The following SYDE2 variants were observed in gnomAD, a reference collection of about 807,000 sequenced individuals.
SYDE2 encodes the protein synapse defective Rho GTPase homolog 2, also known as rho GTPase-activating protein SYDE2.
SYDE2 carries 76 observed loss-of-function variants against 91.5 expected under a neutral mutation model. The ratio of observed to expected loss-of-function variants is 0.83; its 90% CI spans 0.69 to 1.01. SYDE2 has a LOEUF of 1.01. SYDE2 is among the 50% of genes least tolerant of loss of function. SYDE2 has a pLI of 0.00. For missense variants in SYDE2, 1,364 were observed against 1,367.7 expected, an observed-to-expected ratio of 1.00 and a Z score of 0.04; for synonymous variants, 513 against 506.4, an observed-to-expected ratio of 1.01 and a Z score of -0.18.
chr1:85,190,042 T>C lies in SYDE2; in HGVS notation c.1441+15A>G, dbSNP rs1191448334. Reference sequence around the variant, plus strand: ...ATGGAAGAAGAAAGAAAGACACATATATGATCATTTTTACCTGCAAAAGGA... The same window carrying C: ...ATGGAAGAAGAAAGAAAGACACATACATGATCATTTTTACCTGCAAAAGGA... On this transcript the variant is annotated intron_variant, in intron 2 of 6. Transcript: ENST00000341460. The C allele has an allele frequency of 2.6e-6, 4 of 1,560,568 alleles. No individual in the cohort carries two copies. Among genetic ancestry groups the C allele is most frequent in the African/African-American group, 2.7e-5 (2 of 73,456 alleles).
In SYDE2 at chr1:85,158,947, C is replaced by A. The variant is rs752007436; in HGVS notation, c.3388G>T (p.Asp1130Tyr). The A allele has an allele frequency of 3.1e-5, 24 of 780,502 alleles. No homozygotes were observed. Among genetic ancestry groups the A allele is most frequent in the Non-Finnish European group, 5.5e-5 (23 of 417,930 alleles). 48.3% of individuals were successfully genotyped at this position (780,502 alleles called of 1,614,324 possible). ...RKIGENYSKM[D>Y]GPEVMIEQPI... ...TGTTCAATCATTACTTCTGGCCCAT[C>A]CATTTTGCTATAATTTTCTCCGATT... Residue 1130 changes from aspartate (D) to tyrosine (Y), a missense_variant, in exon 7 of 7, where the codon GAT becomes TAT. Coordinates refer to ENST00000341460, the MANE Select transcript of SYDE2 (RefSeq NM_032184.2).
Position 85,164,674 on chromosome 1 carries a change from A to T in SYDE2, c.2937T>A (p.Ala979=), listed in dbSNP as rs1248989053. 6.4e-7 allele frequency: 1 copy of T among 1,551,140 alleles called. No homozygotes were observed. Among genetic ancestry groups the T allele is most frequent in the Non-Finnish European group, 8.7e-7 (1 of 1,149,500 alleles). Residue 979 remains alanine, a synonymous_variant, in exon 6 of 7, where the codon GCT becomes GCA. Transcript: ENST00000341460. ...EVNKMTCQNL[A]VCFGPVLLSQ... ...TTAATAATACTGGTCCAAAGCACAC[A>T]GCCAAATTCTGGCACGTCATCTTAT...
rs911487229 is a variant in SYDE2, at chr1:85,191,485, C to T, written c.746-733G>A. ...TAAGAAATTCATAGTCCAGGCCCTG[C>T]GCAGTGGCTAATGCCTGTAATCCCA... On this transcript the variant is annotated intron_variant, in intron 1 of 6. Coordinates refer to ENST00000341460, the MANE Select transcript of SYDE2 (RefSeq NM_032184.2). 7.9e-5 allele frequency among the ~76,000 whole-genome samples: 12 copies of T among 152,230 alleles called. No individual in the cohort carries two copies. The South Asian group carries it at 1.9e-3, about 24-fold the overall frequency.
intron 4 of SYDE2, among the ~76,000 whole-genome samples, chr1:85,177,066 G>C (rs552921944): frequency 6.6e-6 from 1 of 152,034 alleles, no homozygotes; most frequent in South Asian, 2.1e-4. Flanking sequence ...CTTAATCTCT[G>C]TTGTCTCTTA....
At chr1:85,180,289 G>T (rs1657861636) in intron 3 of SYDE2, among the ~76,000 whole-genome samples, 1 of 152,136 alleles carries the variant, frequency 6.6e-6, no homozygotes, top group Non-Finnish European at 1.5e-5. Flanking sequence ...CAGTATGCCA[G>T]TCTGTAAAAT....
chr1:85,167,213 CAAA>C (rs74838837), intron 5 of SYDE2, among the ~76,000 whole-genome samples: 4 of 81,470 alleles, frequency 4.9e-5, no homozygotes, highest in African/African-American at 1.6e-4. Context: ...GACCCTGTCT[CAAA>C]AAAAAAAAAA....
chr1:85,187,866 TG>T (rs1305742159), intron 2 of SYDE2, among the ~76,000 whole-genome samples: 10 of 33,818 alleles, frequency 3.0e-4, no homozygotes, highest in Admixed American at 1.6e-3. Context: ...GGGACTGTTG[TG>T]GGGTGGGGGA....
At position 85,173,787 on chromosome 1, in the gene SYDE2, A is replaced by G. The variant is rs1054399279; in HGVS notation, c.2671+4359T>C. Among the ~76,000 whole-genome samples, 4 of 152,214 alleles carry G rather than the reference A, an allele frequency of 2.6e-5. No homozygotes were observed. The East Asian group carries it at 7.7e-4, about 29-fold the overall frequency. On this transcript the variant is annotated intron_variant, in intron 4 of 6. Transcript: ENST00000341460. ...ATGGAAACCAACCCAGAAAAGACATACACAATAGAATTAGTAGACAAGAAC... is the reference window on the plus strand; with the variant it reads ...ATGGAAACCAACCCAGAAAAGACATGCACAATAGAATTAGTAGACAAGAAC...
intron 6 of SYDE2, among the ~76,000 whole-genome samples, chr1:85,161,875 A>G (rs1418388708): frequency 2.9e-4 from 32 of 112,188 alleles, no homozygotes; most frequent in Admixed American, 2.5e-3. Flanking sequence ...TATCTAAAAG[A>G]AACATTTTTG....
At chr1:85,162,872 G>C (rs895218319) in intron 6 of SYDE2, among the ~76,000 whole-genome samples, 1 of 152,000 alleles carries the variant, frequency 6.6e-6, no homozygotes, top group Non-Finnish European at 1.5e-5. Context: ...CCAAATTCTT[G>C]GTGTTTATTA....
intron 1 of SYDE2, 161 bp downstream of exon 1, chr1:85,200,078 CATTACATTAAGTA>C (rs529080419): frequency 5.3e-5 from 47 of 894,882 alleles, no homozygotes; most frequent in Admixed American, 6.2e-5. Flanking sequence ...CGAGTAAATG[CATTACATTAAGTA>C]ACCCCGAAAT....
In SYDE2 at chr1:85,200,954, T is replaced by C. The variant is rs2100703750; in HGVS notation, c.43A>G (p.Arg15Gly). 1.5e-5 allele frequency: 19 copies of C among 1,293,196 alleles called. No homozygotes were observed. The highest frequency in any genetic ancestry group is 1.8e-5 in the Non-Finnish European group (18 of 1,028,554). 80.1% of individuals were successfully genotyped at this position (1,293,196 alleles called of 1,614,324 possible). The change falls in exon 1 of 7, where the codon AGG (arginine) becomes GGG (glycine). Residue 15 changes from arginine (R) to glycine (G), a missense_variant. Coordinates refer to ENST00000341460, the MANE Select transcript of SYDE2 (RefSeq NM_032184.2). ...PPDSGARRGG[R>G]GLADHSFPAG... ...GGGAAGCTGTGATCCGCCAAGCCCCTGCCGCCCCGCCGCGCGCCCGAGTCA... is the reference window on the plus strand; with the variant it reads ...GGGAAGCTGTGATCCGCCAAGCCCCCGCCGCCCCGCCGCGCGCCCGAGTCA...
At chr1:85,191,561 C>A (rs1400033700) in intron 1 of SYDE2, among the ~76,000 whole-genome samples, 2 of 152,026 alleles carry the variant, frequency 1.3e-5, no homozygotes, top group African/African-American at 4.8e-5. Flanking sequence ...AGTTTGAGAC[C>A]AGCCTGGCCA....
At chr1:85,159,283 G>A in intron 6 of SYDE2, 34 bp from the exon 7 acceptor site, 1 of 760,430 alleles carries the variant, frequency 1.3e-6, no homozygotes, top group Non-Finnish European at 2.4e-6. Flanking sequence ...TTTAGTGACA[G>A]TAATCCAACT....
intron 3 of SYDE2, 114 bp downstream of exon 3, chr1:85,181,984 G>C: frequency 8.9e-7 from 1 of 1,125,490 alleles, no homozygotes; most frequent in South Asian, 1.8e-5. Flanking sequence ...TAAAGAATAG[G>C]AATGGTAAAA....
Position 85,200,405 on chromosome 1 carries a change from C to T in SYDE2, c.592G>A (p.Gly198Arg), listed in dbSNP as rs753013300. ...TTCATTCCCAGGGACAGCAGACGCC[C>T]TTTGTACATCCACTTCTGCAGCTTC... Reference protein sequence around the residue: ...VKKLQKWMYKGRLLSLGMKGR... With the variant: ...VKKLQKWMYKRRLLSLGMKGR... The change falls in exon 1 of 7, where the codon GGG becomes AGG. Residue 198 changes from glycine to arginine, a missense_variant. Coordinates refer to ENST00000341460, the MANE Select transcript of SYDE2 (RefSeq NM_032184.2). 9 of 1,614,000 alleles carry T rather than the reference C, an allele frequency of 5.6e-6. No homozygotes were observed. The East Asian group carries it at 2.0e-4, about 36-fold the overall frequency.
intron 5 of SYDE2, among the ~76,000 whole-genome samples, chr1:85,165,865 A>ATTT (rs529987571): frequency 2.1e-5 from 2 of 94,140 alleles, no homozygotes; most frequent in African/African-American, 9.1e-5. Context: ...AAAAACTTTA[A>ATTT]TTTTTTTTTT....
At chr1:85,179,901 AT>A (rs1468594769) in intron 3 of SYDE2, among the ~76,000 whole-genome samples, 3 of 152,016 alleles carry the variant, frequency 2.0e-5, no homozygotes, top group African/African-American at 7.3e-5. Flanking sequence ...TTAATGGGAT[AT>A]TTTACCCCCA....
In SYDE2 at chr1:85,183,193, C is replaced by A; in HGVS notation, c.1449G>T (p.Gly483=). The A allele has an allele frequency of 6.5e-7, 1 of 1,547,866 alleles. No individual in the cohort carries two copies. The highest frequency in any genetic ancestry group is 1.3e-5 in the South Asian group (1 of 79,794). The change falls in exon 3 of 7, where the codon GGG becomes GGT. Residue 483 remains glycine (G), a synonymous_variant. Coordinates refer to ENST00000341460, the MANE Select transcript of SYDE2 (RefSeq NM_032184.2). ...CAGTACTATTTGTAGCAGCCAGGAT[C>A]CCAGAACCTTAAAAGAAAGAAAGAA... ...PMLKSPFAGS[G]ILAATNSTEL... is the part of the protein sequence containing the mutation.
Sources: gnomAD v4.1 joint callset for allele counts (sites outside exome capture counted in the v4.1 genomes callset) on GRCh38, gnomAD v4.1.1 for gene constraint, MANE v1.5 for transcripts, NCBI Gene and HGNC (gene_info 2026-07-23, HGNC 2026-07-21) for gene names.